The following KMT5A variants were observed in gnomAD, a reference collection of about 807,000 sequenced individuals.
KMT5A encodes the protein lysine methyltransferase 5A, also known as N-lysine methyltransferase KMT5A.
A neutral mutation model predicts 40.6 loss-of-function variants in KMT5A; 6 were observed. The ratio of observed to expected loss-of-function variants is 0.15; its 90% CI spans 0.08 to 0.29. The LOEUF is 0.29. Ranked by LOEUF, KMT5A falls within the 10% of genes least tolerant of loss-of-function variation. The pLI, the probability that KMT5A is intolerant of heterozygous loss-of-function variation, is 1.00. For missense variants in KMT5A, 308 were observed against 459.1 expected, an observed-to-expected ratio of 0.67 and a Z score of 3.01; for synonymous variants, 153 against 178.8, an observed-to-expected ratio of 0.86 and a Z score of 1.15.
In KMT5A at chr12:123,395,278, A is replaced by G. The variant is rs866839827; in HGVS notation, c.509+12A>G. 1 of 1,610,618 alleles carries G rather than the reference A, an allele frequency of 6.2e-7. No individual in the cohort carries two copies. Among genetic ancestry groups the G allele is most frequent in the Non-Finnish European group, 8.5e-7 (1 of 1,178,532 alleles). On this transcript the variant is annotated intron_variant, in intron 4 of 7. Transcript: ENST00000402868. ...GCCCCCCGAAAAAAGTAAGTGCCCC[A>G]TTCAGTCCTCTTCCTAACGTGGAGC...
At chr12:123,386,947 C>T (rs541200257) in intron 1 of KMT5A, among the ~76,000 whole-genome samples, 2 of 152,132 alleles carry the variant, frequency 1.3e-5, no homozygotes, top group Non-Finnish European at 2.9e-5. Flanking sequence ...ACTCCACCCC[C>T]CTGGGTTCAA....
chr12:123,388,204 C>T (rs1000739465), intron 1 of KMT5A, among the ~76,000 whole-genome samples: 1 of 152,246 alleles, frequency 6.6e-6, no homozygotes, highest in Non-Finnish European at 1.5e-5. Flanking sequence ...AACTCCATTT[C>T]CTCATCTGTA....
At chr12:123,394,462 C>T (rs1186932579) in intron 3 of KMT5A, among the ~76,000 whole-genome samples, 2 of 152,156 alleles carry the variant, frequency 1.3e-5, no homozygotes, top group Non-Finnish European at 2.9e-5. Flanking sequence ...TTTTCCAACA[C>T]TGTCACTCCA....
chr12:123,391,891 G>T (rs140654264), intron 3 of KMT5A, among the ~76,000 whole-genome samples: 129 of 152,346 alleles, frequency 8.5e-4, no homozygotes, highest in African/African-American at 2.5e-3. Context: ...CCCTGAACTG[G>T]GGACAGGAGC....
chr12:123,384,343 G>T lies in KMT5A; in HGVS notation c.10+135G>T, dbSNP rs1191812988. On this transcript the variant is annotated intron_variant, in intron 1 of 7. Coordinates refer to ENST00000402868, the MANE Select transcript of KMT5A (RefSeq NM_020382.7). The surrounding 1 kb of genome is among the most constrained non-coding windows in gnomAD (Gnocchi z 5.7). ...GGGCAAGCTTGGGGACCCGCGTGGG[G>T]GGAGAGGGGGTGCTGCTGCGGAACC... 1.5e-5 allele frequency: 19 copies of T among 1,238,154 alleles called. No individual in the cohort carries two copies. The highest frequency in any genetic ancestry group is 2.0e-5 in the Non-Finnish European group (18 of 887,038). 76.7% of individuals were successfully genotyped at this position (1,238,154 alleles called of 1,614,324 possible).
intron 3 of KMT5A, 28 bp from the exon 4 acceptor site, chr12:123,395,018 AC>A: frequency 6.5e-7 from 1 of 1,531,016 alleles, no homozygotes; most frequent in Non-Finnish European, 8.9e-7. Context: ...TACAGAATAA[AC>A]CCGTCTTTCC....
intron 7 of KMT5A, among the ~76,000 whole-genome samples, chr12:123,406,150 G>C (rs950936444): frequency 6.6e-6 from 1 of 152,068 alleles, no homozygotes; most frequent in African/African-American, 2.4e-5. Flanking sequence ...AATTGGAGCT[G>C]TCCTGGATGT....
rs371833993 is a variant in KMT5A, at chr12:123,406,939, C to T, written c.849-554C>T. Among the ~76,000 whole-genome samples, 67 of 151,226 alleles carry T rather than the reference C, an allele frequency of 4.4e-4. No individual in the cohort carries two copies. In the East Asian group the frequency reaches 8.0e-3, roughly 18 times the overall value. On this transcript the variant is annotated intron_variant, in intron 7 of 7. Coordinates refer to ENST00000402868, the MANE Select transcript of KMT5A (RefSeq NM_020382.7). ...GAGGCTGAGGCAGAATTGCCTTACC[C>T]CGGGAGGCAGAGGTTGCAGTGAGCT...
intron 3 of KMT5A, among the ~76,000 whole-genome samples, chr12:123,391,936 C>T (rs1245922157): frequency 6.6e-6 from 1 of 152,150 alleles, no homozygotes; most frequent in African/African-American, 2.4e-5. Flanking sequence ...GTACACAGGG[C>T]AATATTGTTT....
At chr12:123,387,160 G>C (rs1254347395) in intron 1 of KMT5A, among the ~76,000 whole-genome samples, 2 of 152,124 alleles carry the variant, frequency 1.3e-5, no homozygotes, top group African/African-American at 4.8e-5. Flanking sequence ...CCCAGCTGGT[G>C]TATTTGTTAT....
intron 3 of KMT5A, 193 bp downstream of exon 3, chr12:123,390,979 T>A: frequency 1.7e-6 from 1 of 596,008 alleles, no homozygotes; most frequent in Non-Finnish European, 2.9e-6. Context: ...TGACAGGTTT[T>A]CCCTGCTTTC....
intron 2 of KMT5A, 40 bp from the exon 3 acceptor site, chr12:123,390,590 T>C: frequency 6.2e-7 from 1 of 1,605,450 alleles, no homozygotes. Flanking sequence ...TAGGATCTTC[T>C]TCTTCAAGCC....
intron 5 of KMT5A, among the ~76,000 whole-genome samples, chr12:123,396,988 C>G (rs1350384197): frequency 6.6e-6 from 1 of 152,214 alleles, no homozygotes; most frequent in Non-Finnish European, 1.5e-5. Flanking sequence ...TGTGGTCATG[C>G]AAGAGGAACC....
intron 5 of KMT5A, among the ~76,000 whole-genome samples, chr12:123,397,775 T>A (rs145423006): frequency 0.077 from 11,632 of 151,044 alleles, 1,223 homozygotes; most frequent in African/African-American, 0.24. Flanking sequence ...CAAGTGATTC[T>A]CCTGTCTCAG....
intron 1 of KMT5A, 57 bp from the exon 2 acceptor site, chr12:123,389,376 C>A: frequency 9.9e-7 from 1 of 1,012,436 alleles, no homozygotes; most frequent in Non-Finnish European, 1.2e-6. Flanking sequence ...CCCCGCTCCC[C>A]GCCCCGCCGC....
Position 123,407,780 on chromosome 12 carries a change from T to G in KMT5A, c.*77T>G, listed in dbSNP as rs1425178383. The stretch of plus-strand genomic sequence containing the variant: ...AGTGCCCTCAAAGGGAATTGAATTT[T>G]TTTTTTACACACTTAATCTTAGCGG... On this transcript the variant is annotated 3_prime_UTR_variant, in exon 8 of 8. Transcript: ENST00000402868. The G allele has an allele frequency of 9.7e-7, 1 of 1,036,096 alleles. No homozygotes were observed. The highest frequency in any genetic ancestry group is 1.4e-6 in the Non-Finnish European group (1 of 698,918). The allele number at this position is 1,036,096 out of a possible 1,614,324, so 64.2% of individuals were successfully genotyped here.
chr12:123,407,424 G>A, intron 7 of KMT5A, 69 bp from the exon 8 acceptor site: 1 of 1,430,964 alleles, frequency 7.0e-7, no homozygotes, highest in Non-Finnish European at 9.8e-7. Flanking sequence ...CTGAGCACAA[G>A]TGTGACTCTC....
chr12:123,397,381 A>G (rs28698461), intron 5 of KMT5A, among the ~76,000 whole-genome samples: 3,234 of 152,332 alleles, frequency 0.021, 42 homozygotes, highest in Non-Finnish European at 0.03. Flanking sequence ...TGCATCCTAC[A>G]CAGAGAGGTG....
At chr12:123,389,623 CCCCGGGTACCCG>C in intron 2 of KMT5A, 69 bp downstream of exon 2, 3 of 1,024,986 alleles carry the variant, frequency 2.9e-6, no homozygotes, top group Non-Finnish European at 3.5e-6. Flanking sequence ...ACATGGGCGA[CCCCGGGTACCCG>C]CCCGGGGCGC....
Sources: allele counts gnomAD v4.1 joint callset (sites outside exome capture counted in the v4.1 genomes callset), GRCh38; gene constraint gnomAD v4.1.1; non-coding constraint Gnocchi (gnomAD v3.1); transcripts MANE v1.5; gene names NCBI Gene and HGNC (gene_info 2026-07-23, HGNC 2026-07-21).